The following ELAVL2 variants were observed in gnomAD, a reference collection of about 807,000 sequenced individuals.
The protein encoded by ELAVL2 is ELAV like RNA binding protein 2, also known as ELAV-like protein 2.
A neutral mutation model predicts 34.6 loss-of-function variants in ELAVL2; 4 were observed. That is an observed-to-expected ratio of 0.12 (90% CI 0.06 to 0.26). ELAVL2 has a LOEUF of 0.26. Among genes scored for constraint, ELAVL2 ranks in the 10% least tolerant of loss-of-function variants. ELAVL2 has a pLI of 1.00. For synonymous variants in ELAVL2, 193 were observed against 154.8 expected, an observed-to-expected ratio of 1.25 and a Z score of -1.83; for missense variants, 432 against 442.8, an observed-to-expected ratio of 0.98 and a Z score of 0.22.
rs112386185 is a variant in ELAVL2, at chr9:23,801,900, G to A, written c.-16+23906C>T. Among the ~76,000 whole-genome samples, 9 of 152,208 alleles carry A rather than the reference G, an allele frequency of 5.9e-5. 1 individual carries two copies. Among genetic ancestry groups the A allele is most frequent in the African/African-American group, 2.2e-4 (9 of 41,568 alleles). ...CGCTGCAAATAGGAATTGACAGGTG[G>A]AGCCCTGATTGACAATGGTGGTTTT... is the stretch of plus-strand genomic sequence containing the variant. On this transcript the variant is annotated intron_variant, in intron 1 of 6. Transcript: ENST00000397312.
intron 3 of ELAVL2, among the ~76,000 whole-genome samples, chr9:23,710,580 C>A (rs930280507): frequency 3.1e-4 from 47 of 152,188 alleles, no homozygotes; most frequent in African/African-American, 1.1e-3. Flanking sequence ...CAACTTTTAT[C>A]ACTTGTCAAT....
chr9:23,724,832 A>C (rs938558254), intron 3 of ELAVL2, among the ~76,000 whole-genome samples: 1 of 152,176 alleles, frequency 6.6e-6, no homozygotes, highest in African/African-American at 2.4e-5. Context: ...CAATTTACTC[A>C]ACGTTTCAAT....
At chr9:23,762,310 A>C in intron 1 of ELAVL2, 61 bp from the exon 2 acceptor site, 1 of 1,562,502 alleles carries the variant, frequency 6.4e-7, no homozygotes, top group Non-Finnish European at 8.7e-7. Flanking sequence ...TAGAGACTCC[A>C]TCCAAGAATT....
chr9:23,691,214 A>T lies in ELAVL2; in HGVS notation c.*1343T>A, dbSNP rs2033065551. Reference sequence around the variant, plus strand: ...GCCATTTACAAAGGAAAAAACTGATACAAAAACATTCAAAACCTGAACATC... The same window carrying T: ...GCCATTTACAAAGGAAAAAACTGATTCAAAAACATTCAAAACCTGAACATC... On this transcript the variant is annotated 3_prime_UTR_variant, in exon 7 of 7. Transcript: ENST00000397312. The T allele has an allele frequency of 6.6e-6, 1 of 152,576 alleles. No individual in the cohort carries two copies. The highest frequency in any genetic ancestry group is 1.5e-5 in the Non-Finnish European group (1 of 68,002). 9.5% of individuals were successfully genotyped at this position (152,576 alleles called of 1,614,324 possible).
At chr9:23,756,068 C>CTA (rs2053487414) in intron 2 of ELAVL2, among the ~76,000 whole-genome samples, 1 of 152,026 alleles carries the variant, frequency 6.6e-6, no homozygotes, top group African/African-American at 2.4e-5. Context: ...TCCTGAGGAG[C>CTA]TAAGATTGTA....
intron 1 of ELAVL2, among the ~76,000 whole-genome samples, chr9:23,818,762 G>A (rs1007474669): frequency 2.9e-4 from 44 of 152,288 alleles, no homozygotes; most frequent in African/African-American, 9.4e-4. Flanking sequence ...AAATGGGAGC[G>A]AAAATACTGA....
upstream of ELAVL2, chr9:23,826,333 G>T: frequency 6.6e-6 from 1 of 152,568 alleles, no homozygotes; most frequent in Non-Finnish European, 1.5e-5. Flanking sequence ...TGCTCTGCCA[G>T]GCTCCTATCC....
intron 3 of ELAVL2, among the ~76,000 whole-genome samples, chr9:23,714,067 ACAT>A (rs1202436914): frequency 6.6e-6 from 1 of 152,230 alleles, no homozygotes; most frequent in Non-Finnish European, 1.5e-5. Context: ...TTTAATCATA[ACAT>A]CATTTTATAT....
chr9:23,744,168 C>T (rs1248059116), intron 2 of ELAVL2, among the ~76,000 whole-genome samples: 1 of 152,164 alleles, frequency 6.6e-6, no homozygotes. Context: ...TAAAGGTACT[C>T]TCTGATGCTC....
chr9:23,838,132 A>G, the ELAVL2 span, among the ~76,000 whole-genome samples: 1 of 152,230 alleles, frequency 6.6e-6, no homozygotes, highest in Non-Finnish European at 1.5e-5. Context: ...CATATTAAAC[A>G]TCACATAAAG....
At chr9:23,727,276 C>G (rs2045452875) in intron 3 of ELAVL2, among the ~76,000 whole-genome samples, 1 of 152,024 alleles carries the variant, frequency 6.6e-6, no homozygotes. Context: ...AGACTTTAAC[C>G]TGTATCTGCT....
chr9:23,773,871 T>C (rs12342311), intron 1 of ELAVL2, among the ~76,000 whole-genome samples: 9,532 of 152,156 alleles, frequency 0.063, 981 homozygotes, highest in African/African-American at 0.21. Flanking sequence ...GTATTATCAT[T>C]ATTGCTGGAC....
intron 3 of ELAVL2, among the ~76,000 whole-genome samples, chr9:23,710,838 C>T (rs190916387): frequency 1.1e-3 from 164 of 152,226 alleles, no homozygotes; most frequent in African/African-American, 3.9e-3. Flanking sequence ...CTTGTGACAG[C>T]ATCATGGATA....
At chr9:23,748,015 T>C (rs2050933837) in intron 2 of ELAVL2, among the ~76,000 whole-genome samples, 1 of 152,102 alleles carries the variant, frequency 6.6e-6, no homozygotes, top group South Asian at 2.1e-4. Context: ...AGCTTCAACA[T>C]ACATCAGCAT....
chr9:23,842,990 C>G, the ELAVL2 span, among the ~76,000 whole-genome samples: 1 of 152,124 alleles, frequency 6.6e-6, no homozygotes, highest in Non-Finnish European at 1.5e-5. Context: ...AGTGGATGAG[C>G]AGGTTTAATG....
At chr9:23,727,128 T>C (rs972611830) in intron 3 of ELAVL2, among the ~76,000 whole-genome samples, 1 of 152,246 alleles carries the variant, frequency 6.6e-6, no homozygotes, top group South Asian at 2.1e-4. Context: ...CTGGGGATAC[T>C]GTGGGCAGGC....
intron 3 of ELAVL2, among the ~76,000 whole-genome samples, chr9:23,714,891 T>C (rs2041906065): frequency 6.6e-6 from 1 of 152,122 alleles, no homozygotes; most frequent in Admixed American, 6.6e-5. Flanking sequence ...ATACTATGAA[T>C]ACATTCGAGA....
At chr9:23,793,942 G>C (rs1355662421) in intron 1 of ELAVL2, among the ~76,000 whole-genome samples, 3 of 152,050 alleles carry the variant, frequency 2.0e-5, no homozygotes, top group African/African-American at 7.2e-5. Flanking sequence ...CTCTTTCCTG[G>C]TAACTTAGCA....
At chr9:23,737,712 A>G (rs2048228897) in intron 2 of ELAVL2, among the ~76,000 whole-genome samples, 1 of 152,234 alleles carries the variant, frequency 6.6e-6, no homozygotes, top group Non-Finnish European at 1.5e-5. Flanking sequence ...TTCCATTTAC[A>G]GCAGTAGTAA....
Sources: gnomAD v4.1 joint callset for allele counts (sites outside exome capture counted in the v4.1 genomes callset) on GRCh38, gnomAD v4.1.1 for gene constraint, MANE v1.5 for transcripts, NCBI Gene and HGNC (gene_info 2026-07-23, HGNC 2026-07-21) for gene names.